Variants in HMGCLL1 observed in about 807,000 individuals in gnomAD.
The protein encoded by HMGCLL1 is 3-hydroxymethyl-3-methylglutaryl-CoA lyase, cytoplasmic.
HMGCLL1 carries 36 observed loss-of-function variants against 39.1 expected under a neutral mutation model. The observed-to-expected ratio is 0.92, with a 90% CI of 0.71 to 1.22. HMGCLL1 has a LOEUF of 1.22. HMGCLL1 is among the 50% of genes most tolerant of loss of function. HMGCLL1 has a pLI of 0.00. For synonymous variants in HMGCLL1, 149 were observed against 144.0 expected, an observed-to-expected ratio of 1.03 and a Z score of -0.25; for missense variants, 451 against 416.5, an observed-to-expected ratio of 1.08 and a Z score of -0.72.
At chr6:55,659,603 C>T in the HMGCLL1 span, among the ~76,000 whole-genome samples, 1 of 151,900 alleles carries the variant, frequency 6.6e-6, no homozygotes, top group African/African-American at 2.4e-5. Context: ...TTTCCTTTTA[C>T]TGTTCAAGAG....
At chr6:55,520,321 C>A (rs1767975991) in intron 3 of HMGCLL1, among the ~76,000 whole-genome samples, 2 of 149,560 alleles carry the variant, frequency 1.3e-5, no homozygotes, top group African/African-American at 2.5e-5. Context: ...AATGAAGTTC[C>A]CAGATCATGA....
At chr6:55,583,209 T>C (rs913806787), upstream of HMGCLL1, among the ~76,000 whole-genome samples, 3 of 152,128 alleles carry the variant, frequency 2.0e-5, no homozygotes, top group Admixed American at 6.6e-5. Flanking sequence ...TTTATTATTA[T>C]TATACTTTAA....
At chr6:55,457,661 C>T (rs879657732) in intron 7 of HMGCLL1, among the ~76,000 whole-genome samples, 1 of 152,158 alleles carries the variant, frequency 6.6e-6, no homozygotes, top group African/African-American at 2.4e-5. Context: ...TTTTTTCCTT[C>T]GTTCTCTCTC....
chr6:55,475,779 G>A (rs531199185), intron 7 of HMGCLL1, among the ~76,000 whole-genome samples: 117 of 151,626 alleles, frequency 7.7e-4, no homozygotes, highest in African/African-American at 2.7e-3. Context: ...TAATCTTTGT[G>A]TATCAAGATT....
At chr6:55,592,637 G>T in the HMGCLL1 span, among the ~76,000 whole-genome samples, 2 of 152,008 alleles carry the variant, frequency 1.3e-5, no homozygotes, top group African/African-American at 2.4e-5. Context: ...AATATATTTG[G>T]ACATTGCCAG....
At chr6:55,676,257 C>CA in the HMGCLL1 span, among the ~76,000 whole-genome samples, 505 of 151,548 alleles carry the variant, frequency 3.3e-3, 5 homozygotes, top group Middle Eastern at 0.01. Context: ...CAAAGATAAA[C>CA]AAAAAAAACA....
the HMGCLL1 span, among the ~76,000 whole-genome samples, chr6:55,644,777 A>G: frequency 2.0e-5 from 3 of 152,018 alleles, no homozygotes; most frequent in African/African-American, 4.8e-5. Flanking sequence ...TTATGCCAGT[A>G]CCATGCTGTT....
intron 3 of HMGCLL1, among the ~76,000 whole-genome samples, chr6:55,529,835 A>G (rs1416636558): frequency 1.3e-5 from 2 of 152,174 alleles, no homozygotes; most frequent in African/African-American, 2.4e-5. Context: ...ATTTGGGTCC[A>G]ACAGAGAACT....
At position 55,464,036 on chromosome 6, in the gene HMGCLL1, A is replaced by AT. The variant is rs1581809884; in HGVS notation, c.796-24478dup. Among the ~76,000 whole-genome samples the AT allele has an allele frequency of 2.0e-5, 3 of 152,278 alleles. No individual in the cohort carries two copies. The East Asian group carries it at 5.8e-4, about 29-fold the overall frequency. On this transcript the variant is annotated intron_variant, in intron 7 of 8. Coordinates refer to ENST00000274901, the MANE Select transcript of HMGCLL1 (RefSeq NM_001042406.2). Reference sequence around the variant, plus strand: ...TGTTCATACTCTTTGAATTTTAAATATTAAATTGGTAAAGGGGCTCTGTAG... The same window carrying AT: ...TGTTCATACTCTTTGAATTTTAAATATTTAAATTGGTAAAGGGGCTCTGTAG...
At chr6:55,549,481 T>C (rs2127463631) in intron 1 of HMGCLL1, among the ~76,000 whole-genome samples, 1 of 151,786 alleles carries the variant, frequency 6.6e-6, no homozygotes, top group Admixed American at 6.6e-5. Context: ...GGAAATATTT[T>C]CTGGGATGAT....
chr6:55,620,458 C>G, the HMGCLL1 span, among the ~76,000 whole-genome samples: 1 of 152,092 alleles, frequency 6.6e-6, no homozygotes, highest in African/African-American at 2.4e-5. Flanking sequence ...ATGTTGAGCA[C>G]TTCTTCGTAT....
intron 1 of HMGCLL1, among the ~76,000 whole-genome samples, chr6:55,550,343 C>T (rs1770260227): frequency 6.6e-6 from 1 of 151,866 alleles, no homozygotes; most frequent in African/African-American, 2.4e-5. Flanking sequence ...TGTAATCACC[C>T]TCAGCTACAG....
chr6:55,626,726 G>A, the HMGCLL1 span, among the ~76,000 whole-genome samples: 1 of 151,990 alleles, frequency 6.6e-6, no homozygotes, highest in Non-Finnish European at 1.5e-5. Flanking sequence ...TTGCCATGAG[G>A]AGACACAACA....
chr6:55,495,593 C>T lies in HMGCLL1; in HGVS notation c.621G>A (p.Leu207=). 6.2e-7 allele frequency: 1 copy of T among 1,608,580 alleles called. No homozygotes were observed. Among genetic ancestry groups the T allele is most frequent in the South Asian group, 1.1e-5 (1 of 90,046 alleles). ...PQKVTEVSKR[L]YGMGCYEISL... Reference sequence around the variant, plus strand: ...AGATCTCATAACAACCCATGCCGTACAATCTCTTAGACACCTGTTGATAAA... The same window carrying T: ...AGATCTCATAACAACCCATGCCGTATAATCTCTTAGACACCTGTTGATAAA... Residue 207 remains leucine (L), a synonymous_variant, in exon 7 of 9, where the codon TTG becomes TTA. Transcript: ENST00000274901.
chr6:55,571,803 C>T (rs1771513720), intron 1 of HMGCLL1, among the ~76,000 whole-genome samples: 1 of 151,664 alleles, frequency 6.6e-6, no homozygotes, highest in African/African-American at 2.4e-5. Flanking sequence ...AGCAAGACTC[C>T]ATCTCAAAAA....
chr6:55,591,728 A>C, the HMGCLL1 span, among the ~76,000 whole-genome samples: 1 of 151,590 alleles, frequency 6.6e-6, no homozygotes, highest in East Asian at 1.9e-4. Context: ...TTTTCTTGCC[A>C]AAAGTTTCCC....
chr6:55,600,497 TTTAA>T, the HMGCLL1 span, among the ~76,000 whole-genome samples: 3 of 152,254 alleles, frequency 2.0e-5, no homozygotes, highest in African/African-American at 7.2e-5. Flanking sequence ...TTTGAGTAGA[TTTAA>T]TTAAATAATT....
At chr6:55,659,245 C>A in the HMGCLL1 span, among the ~76,000 whole-genome samples, 1 of 151,830 alleles carries the variant, frequency 6.6e-6, no homozygotes, top group Admixed American at 6.6e-5. Flanking sequence ...AAGCAAAAAA[C>A]CCCAGAAAAT....
At chr6:55,465,780 C>A (rs929746453) in intron 7 of HMGCLL1, among the ~76,000 whole-genome samples, 3 of 152,062 alleles carry the variant, frequency 2.0e-5, no homozygotes, top group Admixed American at 6.6e-5. Context: ...TCAATTATTT[C>A]TGGTATAAAC....
Sources: gnomAD v4.1 joint callset for allele counts (sites outside exome capture counted in the v4.1 genomes callset) on GRCh38, gnomAD v4.1.1 for gene constraint, MANE v1.5 for transcripts, NCBI Gene and HGNC (gene_info 2026-07-23, HGNC 2026-07-21) for gene names.